Variants in BCOR observed in about 807,000 individuals in gnomAD.
The protein encoded by BCOR is BCL-6 corepressor.
A neutral mutation model predicts 86.7 loss-of-function variants in BCOR; 10 were observed. That is an observed-to-expected ratio of 0.12 (90% CI 0.07 to 0.20). The LOEUF is 0.20. Among genes scored for constraint, BCOR ranks in the 10% least tolerant of loss-of-function variants. The pLI is 1.00. For synonymous variants in BCOR, 611 were observed against 609.0 expected (o/e 1.00, Z -0.05); for missense variants, 1,259 against 1,452.1 (o/e 0.87, Z 2.16).
intron 1 of BCOR, among the ~76,000 whole-genome samples, chrX:40,083,176 G>C (rs1936186226): frequency 9.0e-6 from 1 of 111,051 alleles, no homozygotes; most frequent in African/African-American, 3.3e-5. Flanking sequence ...GTGCAGTGTG[G>C]GATGGGTCCT....
chrX:40,100,730 A>G (rs1212624999), upstream of BCOR, among the ~76,000 whole-genome samples: 4 of 109,882 alleles, frequency 3.6e-5, no homozygotes, highest in African/African-American at 6.6e-5. Flanking sequence ...AAAAGAAAAA[A>G]AAAAGTCCTA....
At chrX:40,104,606 C>T (rs1937134879) in intron 1 of BCOR, among the ~76,000 whole-genome samples, 1 of 110,659 alleles carries the variant, frequency 9.0e-6, no homozygotes, top group Non-Finnish European at 1.9e-5. Flanking sequence ...AGCTCACAAC[C>T]CCGAGGCTCC....
At chrX:40,071,778 C>T in intron 4 of BCOR, 88 bp from the exon 5 acceptor site, 1 of 646,649 alleles carries the variant, frequency 1.5e-6, no homozygotes, top group Non-Finnish European at 2.5e-6. Flanking sequence ...CTTAACATTG[C>T]AAAACAATTT....
intron 1 of BCOR, among the ~76,000 whole-genome samples, chrX:40,156,875 G>A (rs765958033): frequency 8.3e-4 from 95 of 113,828 alleles, no homozygotes; most frequent in Middle Eastern, 4.6e-3. Flanking sequence ...AGTCGTCACC[G>A]AACCAGCTCG....
At chrX:40,067,836 C>G (rs1288731533) in intron 6 of BCOR, among the ~76,000 whole-genome samples, 2 of 111,770 alleles carry the variant, frequency 1.8e-5, no homozygotes, top group Non-Finnish European at 3.8e-5. Context: ...GGTCACTTTC[C>G]TGTACACTTC....
In BCOR at chrX:40,110,667, C is replaced by CTTTTTTTTTTTTTTTTTT. The variant is rs546960508; in HGVS notation, c.-40-32716_-40-32699dup. Among the ~76,000 whole-genome samples, 17 of 29,544 alleles carry CTTTTTTTTTTTTTTTTTT rather than the reference C, an allele frequency of 5.8e-4. 6 individuals are homozygous for CTTTTTTTTTTTTTTTTTT. The highest frequency in any genetic ancestry group is 9.2e-4 in the Admixed American group (2 of 2,185). 25.7% of individuals were successfully genotyped at this position (29,544 alleles called of 115,157 possible). ...TTCTTTTTTTTCTTTTTTCCTTTTT[C>CTTTTTTTTTTTTTTTTTT]TTTTTTTTTTTTTTTTTTTTTTTTT... On this transcript the variant is annotated intron_variant, in intron 1 of 14. Transcript: ENST00000342274.
chrX:40,103,398 G>A (rs1387783084), intron 1 of BCOR, among the ~76,000 whole-genome samples: 1 of 111,047 alleles, frequency 9.0e-6, no homozygotes, highest in Non-Finnish European at 1.9e-5. Flanking sequence ...TCCCCAAAAG[G>A]AGGATGTGTC....
In BCOR at chrX:40,051,911, C is replaced by G. The variant is rs1166854604; in HGVS notation, c.*198G>C. 3.0e-6 allele frequency: 1 copy of G among 337,666 alleles called. No individual in the cohort carries two copies. The highest frequency in any genetic ancestry group is 5.0e-6 in the Non-Finnish European group (1 of 198,975). 27.8% of individuals were successfully genotyped at this position (337,666 alleles called of 1,213,427 possible). On this transcript the variant is annotated 3_prime_UTR_variant, in exon 15 of 15. Transcript: ENST00000378444. Reference sequence around the variant, plus strand: ...GAAAAGTAAAGAAACATTATAACAACTTCATAAAAACTGACTTAAAAGTTT... The same window carrying G: ...GAAAAGTAAAGAAACATTATAACAAGTTCATAAAAACTGACTTAAAAGTTT...
rs200762216 is a variant in BCOR, at chrX:40,052,281, C to T, written c.5096G>A (p.Arg1699Gln). The T allele has an allele frequency of 3.4e-5, 41 of 1,210,451 alleles. No homozygotes were observed. Among genetic ancestry groups the T allele is most frequent in the Non-Finnish European group, 3.8e-5 (34 of 895,360 alleles). ...GAACAAGAGACTTGCAGAAACCTGC[C>T]GATAAAATTCTGCCTCTGCAATGGT... ...IVTIAEAEFY[R>Q]QVSASLLFSC... is the part of the protein sequence containing the mutation. The change falls in exon 15 of 15, where the codon CGG becomes CAG. Residue 1699 changes from arginine (R) to glutamine (Q), a missense_variant. By Grantham distance (43) the Arg-to-Gln change is conservative (BLOSUM62 1). Around this residue, in one of 7 missense-constraint regions of BCOR, gnomAD observed 137 missense variants for 149.8 expected, o/e 0.91. Transcript: ENST00000378444.
At chrX:40,064,266 C>G in intron 7 of BCOR, 70 bp downstream of exon 7, 1 of 1,193,507 alleles carries the variant, frequency 8.4e-7, no homozygotes, top group Non-Finnish European at 1.1e-6. Context: ...ATCCACATCT[C>G]CTGTCCATCC....
Position 40,073,683 on chromosome X carries a change from T to C in BCOR, c.1663A>G (p.Thr555Ala). The C allele has an allele frequency of 8.2e-7, 1 of 1,212,617 alleles. No individual in the cohort carries two copies. The highest frequency in any genetic ancestry group is 1.1e-6 in the Non-Finnish European group (1 of 895,680). The change falls in exon 4 of 15, where the codon ACT (threonine) becomes GCT (alanine). Residue 555 changes from threonine to alanine, a missense_variant. Thr to Ala is a moderately conservative substitution (Grantham distance 58, BLOSUM62 0). Around this residue, in one of 7 missense-constraint regions of BCOR, gnomAD observed 534 missense variants for 594.8 expected, o/e 0.90. Coordinates refer to ENST00000378444, the MANE Select transcript of BCOR (RefSeq NM_001123385.2). ...CTCGACACTGACCCTGAAACGTTAGTGATGACAGCATCGGTGCCGCCCATG... is the reference window on the plus strand; with the variant it reads ...CTCGACACTGACCCTGAAACGTTAGCGATGACAGCATCGGTGCCGCCCATG... ...PRMGGTDAVI[T>A]NVSGSVSSAG...
intron 1 of BCOR, among the ~76,000 whole-genome samples, chrX:40,122,926 G>A (rs752551168): frequency 4.5e-5 from 5 of 111,559 alleles, no homozygotes; most frequent in South Asian, 7.6e-4. Flanking sequence ...CCACTGCCCC[G>A]GGCCTGCCTG....
At chrX:40,121,535 T>C (rs1437186060) in intron 1 of BCOR, among the ~76,000 whole-genome samples, 5 of 113,192 alleles carry the variant, frequency 4.4e-5, no homozygotes, top group African/African-American at 1.6e-4. Context: ...AGCACTGTCC[T>C]GGGTGCCAGG....
intron 1 of BCOR, among the ~76,000 whole-genome samples, chrX:40,103,150 T>C (rs746530234): frequency 2.7e-5 from 3 of 110,592 alleles, no homozygotes; most frequent in African/African-American, 9.9e-5. Flanking sequence ...CAGAACCTTC[T>C]GTGTGCGGCG....
At chrX:40,170,867 T>C (rs1938605916) in intron 1 of BCOR, among the ~76,000 whole-genome samples, 1 of 112,398 alleles carries the variant, frequency 8.9e-6, no homozygotes. Context: ...ATTTCTACTT[T>C]GTTTTCTAAT....
intron 6 of BCOR, among the ~76,000 whole-genome samples, chrX:40,069,130 A>C (rs5917931): frequency 0.46 from 50,973 of 111,855 alleles, 11,567 homozygotes; most frequent in African/African-American, 0.89. Flanking sequence ...CGCATGCTGT[A>C]CCCTGGATGA....
chrX:40,120,377 C>G (rs1426840558), intron 1 of BCOR, among the ~76,000 whole-genome samples: 1 of 111,956 alleles, frequency 8.9e-6, no homozygotes, highest in Non-Finnish European at 1.9e-5. Context: ...CACCAACCAC[C>G]TGGTTATACA....
At chrX:40,160,296 T>G (rs1267318429) in intron 1 of BCOR, among the ~76,000 whole-genome samples, 2 of 110,961 alleles carry the variant, frequency 1.8e-5, no homozygotes, top group East Asian at 2.8e-4. Flanking sequence ...TGTGTATTTT[T>G]TTTTTAGTAG....
chrX:40,052,867 G>A (rs908443433), intron 14 of BCOR, among the ~76,000 whole-genome samples: 4 of 111,552 alleles, frequency 3.6e-5, no homozygotes, highest in South Asian at 3.7e-4. Flanking sequence ...CCCGGCCATC[G>A]CCATTCCTTT....
Sources: gnomAD v4.1 joint callset for allele counts (sites outside exome capture counted in the v4.1 genomes callset) on GRCh38, gnomAD v4.1.1 for gene constraint, gnomAD v4.1.1 regional missense constraint, MANE v1.5 for transcripts, NCBI Gene and HGNC (gene_info 2026-07-23, HGNC 2026-07-21) for gene names.